Variants in PFKFB2 observed in about 807,000 individuals in gnomAD.
PFKFB2 encodes the protein 6-phosphofructo-2-kinase/fructose-2,6-biphosphatase 2, also known as 6-phosphofructo-2-kinase/fructose-2,6-bisphosphatase 2.
Under a neutral mutation model 68.0 loss-of-function variants are expected in PFKFB2, and 53 were observed. That is an observed-to-expected ratio of 0.78 (90% CI 0.63 to 0.98). The LOEUF (loss-of-function observed/expected upper bound fraction) is 0.98, where lower values mean the gene tolerates loss of function less well. PFKFB2 is among the 50% of genes least tolerant of loss of function. The pLI, the probability that PFKFB2 is intolerant of heterozygous loss-of-function variation, is 0.00. For missense variants in PFKFB2, 451 were observed against 642.0 expected (o/e 0.70, Z 3.22); for synonymous variants, 222 against 227.6 (o/e 0.98, Z 0.22).
chr1:207,046,416 A>G (rs1282792097), intron 2 of PFKFB2: 2 of 152,124 alleles, frequency 1.3e-5, no homozygotes, highest in Non-Finnish European at 2.9e-5. Context: ...AACCCCTGTA[A>G]ATTCTGTGAG....
chr1:207,079,052 C>T (rs200483747), downstream of PFKFB2: 57 of 1,557,366 alleles, frequency 3.7e-5, no homozygotes, highest in Admixed American at 5.0e-5. Context: ...CCTCTCCAAA[C>T]GACTGGGATC....
At chr1:207,057,131 G>A (rs1682946433) in intron 2 of PFKFB2, among the ~76,000 whole-genome samples, 1 of 151,872 alleles carries the variant, frequency 6.6e-6, no homozygotes, top group Admixed American at 6.6e-5. Flanking sequence ...GTGCTCAGAG[G>A]ACTGGTTTCA....
At chr1:207,067,954 A>T (rs1683345490) in intron 9 of PFKFB2, among the ~76,000 whole-genome samples, 1 of 152,194 alleles carries the variant, frequency 6.6e-6, no homozygotes, top group South Asian at 2.1e-4. Context: ...TTGTGTACTT[A>T]GCAATGTACA....
Position 207,068,142 on chromosome 1 carries a change from A to C in PFKFB2, c.841-21A>C, listed in dbSNP as rs2808463. ...TCTGTGTGTTTTCTTTTTACCCTTA[A>C]TTTTCATTTTTAAACCCCAGTTTGC... On this transcript the variant is annotated intron_variant, in intron 9 of 14. Transcript: ENST00000367080. 0.015 allele frequency: 23,304 copies of C among 1,573,826 alleles called. 2,834 individuals are homozygous for C. The African/African-American group carries it at 0.28, about 19-fold the overall frequency.
chr1:207,061,165 TTATATATATATATATATA>T lies in PFKFB2; in HGVS notation c.86-768_86-751del, dbSNP rs201702529. 2.0e-4 allele frequency among the ~76,000 whole-genome samples: 9 copies of T among 45,206 alleles called. 1 individual carries two copies. The highest frequency in any genetic ancestry group is 7.3e-4 in the South Asian group (1 of 1,378). The allele number at this position is 45,206 out of a possible 152,430, so 29.7% of individuals were successfully genotyped here. On this transcript the variant is annotated intron_variant, in intron 2 of 14. Transcript: ENST00000367080. ...TCTTTATATATATTTATATATATCT[TTATATATATATATATATA>T]TATATATATATATATATATTTTAAG...
At chr1:207,059,047 T>C (rs893327883) in intron 2 of PFKFB2, among the ~76,000 whole-genome samples, 5 of 152,154 alleles carry the variant, frequency 3.3e-5, no homozygotes, top group Non-Finnish European at 5.9e-5. Flanking sequence ...GAAGTGTGGT[T>C]TAGTTTTGTA....
Position 207,074,448 on chromosome 1 carries a change from A to AT in PFKFB2, c.*2081dup, listed in dbSNP as rs1683564672. 4.1e-6 allele frequency: 4 copies of AT among 985,246 alleles called. No individual in the cohort carries two copies. The highest frequency in any genetic ancestry group is 4.8e-6 in the Non-Finnish European group (4 of 829,932). The allele number at this position is 985,246 out of a possible 1,614,324, so 61.0% of individuals were successfully genotyped here. ...AATTGTCTCTAGAGAGCAGCTGGGG[A>AT]TTTTAAGCACCCTGGAGAGAGGTGC... On this transcript the variant is annotated 3_prime_UTR_variant, in exon 15 of 15. Transcript: ENST00000367080.
In PFKFB2 at chr1:207,075,360, A is replaced by G. The variant is rs1215006253; in HGVS notation, c.*2989A>G. On this transcript the variant is annotated 3_prime_UTR_variant, in exon 15 of 15. Transcript: ENST00000367080. The stretch of plus-strand genomic sequence containing the variant: ...AGGGCTTCAGCATCCTTTAGTTTCT[A>G]AAGCAAGATCCCTTCAGAGAAGTCT... 1 of 985,488 alleles carries G rather than the reference A, an allele frequency of 1.0e-6. No individual in the cohort carries two copies. Among genetic ancestry groups the G allele is most frequent in the Non-Finnish European group, 1.2e-6 (1 of 829,936 alleles). 61.0% of individuals were successfully genotyped at this position (985,488 alleles called of 1,614,324 possible). A position where few individuals can be genotyped will look rare whatever the true frequency, so the allele number is the denominator to read the frequency against.
rs1209145741 is a variant in PFKFB2 at position 207,063,669 on chromosome 1, AATC to A, written c.451-103_451-101del. ...ACTTGAGGGCCACTTTCATGAAGAA[AATC>A]CTGGGAGATGTGGTGGCTGGGTGGG... On this transcript the variant is annotated intron_variant, in intron 6 of 14. Coordinates refer to ENST00000367080, the MANE Select transcript of PFKFB2 (RefSeq NM_006212.2). This position sits in a 1 kb window ranked among gnomAD's most constrained non-coding sequence, Gnocchi z 4.1. 1.4e-5 allele frequency: 14 copies of A among 990,106 alleles called. No individual in the cohort carries two copies. In the African/African-American group the frequency reaches 2.2e-4, roughly 16 times the overall value. 61.3% of individuals were successfully genotyped at this position (990,106 alleles called of 1,614,324 possible). A position where few individuals can be genotyped will look rare whatever the true frequency, so the allele number is the denominator to read the frequency against.
In PFKFB2 at chr1:207,074,481, G is replaced by A. The variant is rs1683565870; in HGVS notation, c.*2110G>A. On this transcript the variant is annotated 3_prime_UTR_variant, in exon 15 of 15. Coordinates refer to ENST00000367080, the MANE Select transcript of PFKFB2 (RefSeq NM_006212.2). ...CACCCTGGAGAGAGGTGCAGACCCT[G>A]CCAGGATGATAAAGGTTGTCATCAC... is the stretch of plus-strand genomic sequence containing the variant. 4.1e-6 allele frequency: 4 copies of A among 985,400 alleles called. No homozygotes were observed. Among genetic ancestry groups the A allele is most frequent in the Middle Eastern group, 5.2e-4 (1 of 1,914 alleles). The allele number at this position is 985,400 out of a possible 1,614,324, so 61.0% of individuals were successfully genotyped here.
chr1:207,066,097 G>A lies in PFKFB2; in HGVS notation c.632+937G>A, dbSNP rs111601138. On this transcript the variant is annotated intron_variant, in intron 8 of 14. Transcript: ENST00000367080. Reference sequence around the variant, plus strand: ...TCTCTCTCTATATATAACATGCAAAGCCCTCAAGAACATGCCTGACTCAGA... The same window carrying A: ...TCTCTCTCTATATATAACATGCAAAACCCTCAAGAACATGCCTGACTCAGA... 9.3e-4 allele frequency among the ~76,000 whole-genome samples: 141 copies of A among 152,182 alleles called. No homozygotes were observed. The Middle Eastern group carries it at 0.01, about 11-fold the overall frequency.
chr1:207,057,877 G>C (rs1369235650), intron 2 of PFKFB2, among the ~76,000 whole-genome samples: 1 of 152,126 alleles, frequency 6.6e-6, no homozygotes, highest in Non-Finnish European at 1.5e-5. Flanking sequence ...TCCACGGATA[G>C]GTATTTAAAT....
Position 207,076,327 on chromosome 1 carries a change from C to A in PFKFB2, c.*3956C>A, listed in dbSNP as rs537728508. On this transcript the variant is annotated 3_prime_UTR_variant, in exon 15 of 15. Coordinates refer to ENST00000367080, the MANE Select transcript of PFKFB2 (RefSeq NM_006212.2). ...TGGTGGTTGGAGTGGCCAATGGGCA[C>A]GGGAAAAAGTATCCAGTAATCAGAA... The A allele has an allele frequency of 1.0e-6, 1 of 981,890 alleles. No homozygotes were observed. 60.8% of individuals were successfully genotyped at this position (981,890 alleles called of 1,614,324 possible).
intron 2 of PFKFB2, among the ~76,000 whole-genome samples, chr1:207,055,770 A>G (rs1294887829): frequency 6.6e-6 from 1 of 152,144 alleles, no homozygotes; most frequent in Non-Finnish European, 1.5e-5. Flanking sequence ...CTCGACCTTG[A>G]TGTCATGCCC....
chr1:207,035,687 A>C (rs1558049756), intron 1 of PFKFB2, among the ~76,000 whole-genome samples: 1 of 148,328 alleles, frequency 6.7e-6, no homozygotes, highest in African/African-American at 2.6e-5. Flanking sequence ...AAAAAACAAA[A>C]AAAGAAAAGA....
chr1:207,057,302 C>CAAAAAAAAAAA (rs748726221), intron 2 of PFKFB2, among the ~76,000 whole-genome samples: 18 of 40,386 alleles, frequency 4.5e-4, no homozygotes, highest in South Asian at 1.1e-3. Context: ...AAAAAAACTA[C>CAAAAAAAAAAA]AAAAAAAAAA....
At position 207,070,443 on chromosome 1, in the gene PFKFB2, A is replaced by G. The variant is rs1683433243; in HGVS notation, c.1222+34A>G. The G allele has an allele frequency of 6.2e-7, 1 of 1,608,848 alleles. No homozygotes were observed. Among genetic ancestry groups the G allele is most frequent in the Non-Finnish European group, 8.5e-7 (1 of 1,176,890 alleles). ...GAGGGAGGGGCTGGGAGACACATCC[A>G]GTGGGAGAGGGCTGGACTTGCAGTG... On this transcript the variant is annotated intron_variant, in intron 12 of 14. Transcript: ENST00000367080. The surrounding 1 kb of genome is among the most constrained non-coding windows in gnomAD (Gnocchi z 4.2).
At chr1:207,037,721 G>A (rs1682402650) in intron 1 of PFKFB2, among the ~76,000 whole-genome samples, 1 of 151,990 alleles carries the variant, frequency 6.6e-6, no homozygotes, top group Non-Finnish European at 1.5e-5. Flanking sequence ...CCAATTCTTG[G>A]AGATCCTATC....
intron 2 of PFKFB2, chr1:207,043,940 A>C (rs537097659): frequency 1.3e-5 from 2 of 152,764 alleles, no homozygotes; most frequent in African/African-American, 4.8e-5. Flanking sequence ...AAATCAATGC[A>C]TCTTAATGAC....
Sources: allele counts gnomAD v4.1 joint callset (sites outside exome capture counted in the v4.1 genomes callset), GRCh38; gene constraint gnomAD v4.1.1; non-coding constraint Gnocchi (gnomAD v3.1); transcripts MANE v1.5; gene names NCBI Gene and HGNC (gene_info 2026-07-23, HGNC 2026-07-21).